Variants in PPP1R12A observed in about 807,000 individuals in gnomAD.
PPP1R12A encodes protein phosphatase 1 regulatory subunit 12A.
PPP1R12A carries 19 observed loss-of-function variants against 139.6 expected under a neutral mutation model. The ratio of observed to expected loss-of-function variants is 0.14; its 90% CI spans 0.09 to 0.20. The LOEUF (loss-of-function observed/expected upper bound fraction) is 0.20. Ranked by LOEUF, PPP1R12A falls within the 10% of genes least tolerant of loss-of-function variation. The pLI is 1.00. For synonymous variants in PPP1R12A, 427 were observed against 420.6 expected, an observed-to-expected ratio of 1.02 and a Z score of -0.19; for missense variants, 925 against 1,211.5, an observed-to-expected ratio of 0.76 and a Z score of 3.51.
At chr12:79,786,051 T>A (rs952240105) in intron 22 of PPP1R12A, among the ~76,000 whole-genome samples, 12 of 152,314 alleles carry the variant, frequency 7.9e-5, no homozygotes, top group Admixed American at 2.0e-4. Context: ...TATTATAAAA[T>A]TTTTTATATG....
intron 14 of PPP1R12A, among the ~76,000 whole-genome samples, chr12:79,801,226 T>A (rs1244410221): frequency 6.6e-6 from 1 of 150,504 alleles, no homozygotes; most frequent in East Asian, 2.0e-4. Flanking sequence ...ATGCCTGTAA[T>A]CCTAGCTACT....
At position 79,809,905 on chromosome 12, in the gene PPP1R12A, G is replaced by T. The variant is rs750449408; in HGVS notation, c.1345C>A (p.Leu449Ile). ...GLRKTGSYGA[L>I]AEITASKEGQ... is the part of the protein sequence containing the mutation. ...TCTTTAGATGCTGTGATTTCAGCAA[G>T]TGCACCATAGCTGCCCGTCTTTCTA... The change falls in exon 10 of 25, where the codon CTT becomes ATT. Residue 449 changes from leucine (L) to isoleucine (I), a missense_variant. This residue lies in a region of PPP1R12A where 403 missense variants were observed against 463.7 expected (regional missense o/e 0.87). Transcript: ENST00000450142. 1 of 1,613,304 alleles carries T rather than the reference G, an allele frequency of 6.2e-7. No individual in the cohort carries two copies. Among genetic ancestry groups the T allele is most frequent in the African/African-American group, 1.3e-5 (1 of 74,914 alleles).
rs560619826 is a variant in PPP1R12A at position 79,934,964 on chromosome 12, A to AG, written c.-34dup. The AG allele has an allele frequency of 3.7e-4, 565 of 1,540,706 alleles. 3 individuals carry two copies. The African/African-American group carries it at 6.4e-3, about 18-fold the overall frequency. On this transcript the variant is annotated 5_prime_UTR_variant, in exon 1 of 25. Transcript: ENST00000450142. Reference sequence around the variant, plus strand: ...CCTGCCGCCGGGTCTTCTTATCGCGAGGGGGGGAAGGGGGAGGCGGAGAGG... The same window carrying AG: ...CCTGCCGCCGGGTCTTCTTATCGCGAGGGGGGGGAAGGGGGAGGCGGAGAGG...
intron 22 of PPP1R12A, among the ~76,000 whole-genome samples, chr12:79,785,158 A>G (rs186388157): frequency 1.9e-3 from 290 of 152,360 alleles, no homozygotes; most frequent in Middle Eastern, 6.8e-3. Flanking sequence ...AAGCCTAAAT[A>G]TAAGTAGTAG....
At chr12:79,918,345 T>A (rs1426667252) in intron 1 of PPP1R12A, among the ~76,000 whole-genome samples, 1 of 152,128 alleles carries the variant, frequency 6.6e-6, no homozygotes, top group Non-Finnish European at 1.5e-5. Context: ...CCACCCCTCC[T>A]CCATGTGTGC....
At chr12:79,808,446 TATA>T (rs761208175) in intron 11 of PPP1R12A, 34 bp downstream of exon 11, 2 of 1,359,828 alleles carry the variant, frequency 1.5e-6, no homozygotes, top group Non-Finnish European at 2.1e-6. Flanking sequence ...ATAAAGATTT[TATA>T]GTGAATGCAT....
At chr12:79,831,914 T>C (rs1358378976) in intron 4 of PPP1R12A, among the ~76,000 whole-genome samples, 1 of 152,106 alleles carries the variant, frequency 6.6e-6, no homozygotes, top group East Asian at 1.9e-4. Context: ...AAAACTGTAT[T>C]TAAGATAAGT....
intron 3 of PPP1R12A, among the ~76,000 whole-genome samples, chr12:79,833,514 A>T (rs577780052): frequency 2.6e-5 from 4 of 151,984 alleles, no homozygotes; most frequent in Non-Finnish European, 5.9e-5. Context: ...GTCTGGTAGA[A>T]TACCTGATAC....
intron 1 of PPP1R12A, among the ~76,000 whole-genome samples, chr12:79,882,053 C>G (rs767352682): frequency 3.3e-4 from 50 of 152,192 alleles, no homozygotes; most frequent in Non-Finnish European, 1.0e-4. Flanking sequence ...AACAATGAAC[C>G]TGGTCACCCA....
intron 1 of PPP1R12A, among the ~76,000 whole-genome samples, chr12:79,927,890 C>T (rs1376537160): frequency 6.6e-6 from 1 of 152,164 alleles, no homozygotes; most frequent in Non-Finnish European, 1.5e-5. Context: ...ATCATCTTCT[C>T]AACCTTATTG....
intron 1 of PPP1R12A, among the ~76,000 whole-genome samples, chr12:79,915,994 C>T (rs1272077517): frequency 7.6e-6 from 1 of 131,896 alleles, no homozygotes; most frequent in East Asian, 2.6e-4. Context: ...TAAACCTTGA[C>T]CAAAAAGGAA....
At chr12:79,798,606 T>C (rs1306276279) in intron 14 of PPP1R12A, 22 bp from the exon 15 acceptor site, 1 of 1,395,672 alleles carries the variant, frequency 7.2e-7, no homozygotes, top group Middle Eastern at 1.8e-4. Flanking sequence ...AATTGAAAAA[T>C]CGTTAGTTGT....
Position 79,927,516 on chromosome 12 carries a change from C to G in PPP1R12A, c.237+7179G>C, listed in dbSNP as rs373974489. On this transcript the variant is annotated intron_variant, in intron 1 of 24. Coordinates refer to ENST00000450142, the MANE Select transcript of PPP1R12A (RefSeq NM_002480.3). ...AGAAAAAAATTATATGTGTGTTTCACTTGATTTTCAGCTAATTTACAGAGA... is the reference window on the plus strand; with the variant it reads ...AGAAAAAAATTATATGTGTGTTTCAGTTGATTTTCAGCTAATTTACAGAGA... Among the ~76,000 whole-genome samples, 91 of 152,246 alleles carry G rather than the reference C, an allele frequency of 6.0e-4. 2 individuals carry two copies. The highest frequency in any genetic ancestry group is 2.0e-3 in the African/African-American group (85 of 41,534).
At chr12:79,902,572 C>CA (rs1296108281) in intron 1 of PPP1R12A, among the ~76,000 whole-genome samples, 3 of 151,454 alleles carry the variant, frequency 2.0e-5, no homozygotes, top group Non-Finnish European at 2.9e-5. Context: ...TTTCAAACTT[C>CA]AAAAAAAAAT....
At chr12:79,931,594 T>C (rs774948698) in intron 1 of PPP1R12A, among the ~76,000 whole-genome samples, 1 of 152,180 alleles carries the variant, frequency 6.6e-6, no homozygotes, top group Non-Finnish European at 1.5e-5. Context: ...TTAATCTCCT[T>C]AAATCTTTAC....
At chr12:79,865,404 G>A (rs1357711741) in intron 2 of PPP1R12A, among the ~76,000 whole-genome samples, 3 of 152,072 alleles carry the variant, frequency 2.0e-5, no homozygotes, top group Non-Finnish European at 2.9e-5. Context: ...TTTGAAAACC[G>A]CCACAAGACA....
intron 1 of PPP1R12A, among the ~76,000 whole-genome samples, chr12:79,877,731 G>T (rs1883248455): frequency 6.6e-6 from 1 of 152,092 alleles, no homozygotes; most frequent in South Asian, 2.1e-4. Context: ...GGCCCGGCTG[G>T]TCTCAAACTC....
intron 2 of PPP1R12A, among the ~76,000 whole-genome samples, chr12:79,862,758 A>C (rs1172971856): frequency 2.0e-5 from 3 of 152,216 alleles, no homozygotes; most frequent in Non-Finnish European, 4.4e-5. Context: ...GAAAAAGAGA[A>C]GTTTAGAGAA....
chr12:79,800,983 T>G (rs1873063196), intron 14 of PPP1R12A, among the ~76,000 whole-genome samples: 1 of 151,326 alleles, frequency 6.6e-6, no homozygotes, highest in Non-Finnish European at 1.5e-5. Context: ...TCCGCCCACC[T>G]CAGCCTCCCA....
Sources: gnomAD v4.1 joint callset for allele counts (sites outside exome capture counted in the v4.1 genomes callset) on GRCh38, gnomAD v4.1.1 for gene constraint, gnomAD v4.1.1 regional missense constraint, MANE v1.5 for transcripts, NCBI Gene and HGNC (gene_info 2026-07-23, HGNC 2026-07-21) for gene names.